The following AGAP1 variants were observed in gnomAD, a reference collection of about 807,000 sequenced individuals.
The protein encoded by AGAP1 is arf-GAP with GTPase, ANK repeat and PH domain-containing protein 1.
In AGAP1, 29 loss-of-function variants were observed where a neutral mutation model predicts 105.3. That is an observed-to-expected ratio of 0.28 (90% confidence interval 0.21 to 0.38). The LOEUF (loss-of-function observed/expected upper bound fraction) is 0.38, where lower values mean the gene tolerates loss of function less well. Among genes scored for constraint, AGAP1 ranks in the 10% least tolerant of loss-of-function variants. The pLI, the probability that AGAP1 is intolerant of heterozygous loss-of-function variation, is 1.00. For synonymous variants in AGAP1, 509 were observed against 485.9 expected (o/e 1.05, Z -0.63); for missense variants, 998 against 1,165.1 (o/e 0.86, Z 2.09).
At chr2:236,066,629 C>T (rs1010268746) in intron 16 of AGAP1, among the ~76,000 whole-genome samples, 8 of 152,154 alleles carry the variant, frequency 5.3e-5, no homozygotes, top group African/African-American at 1.9e-4. Context: ...GTTGGATTAT[C>T]CAGAGCAAGT....
At chr2:235,849,638 G>A (rs1006923771) in intron 9 of AGAP1, among the ~76,000 whole-genome samples, 2 of 124,458 alleles carry the variant, frequency 1.6e-5, no homozygotes, top group African/African-American at 5.0e-5. Context: ...TCCATGCTGC[G>A]GGGATGCTAG....
chr2:235,597,147 A>G (rs954110852), intron 1 of AGAP1, among the ~76,000 whole-genome samples: 5 of 152,224 alleles, frequency 3.3e-5, no homozygotes, highest in African/African-American at 9.6e-5. Context: ...GAGTTCTTCT[A>G]TGTGGAAAGA....
At position 235,535,172 on chromosome 2, in the gene AGAP1, CG is replaced by C. The variant is rs1943169532; in HGVS notation, c.163+40326del. ...GCAGCCCAGGTCAGCCTCCCTCCAC[CG>C]GGCCACCCGCACCAGGTTGCCTCCC... On this transcript the variant is annotated intron_variant, in intron 1 of 17. Transcript: ENST00000304032. The surrounding 1 kb of genome is among the most constrained non-coding windows in gnomAD (Gnocchi z 5.1). Among the ~76,000 whole-genome samples, 2 of 152,020 alleles carry C rather than the reference CG, an allele frequency of 1.3e-5. No individual in the cohort carries two copies. Among genetic ancestry groups the C allele is most frequent in the African/African-American group, 4.8e-5 (2 of 41,390 alleles).
rs147373386 is a variant in AGAP1 at position 236,027,055 on chromosome 2, G to A, written c.1646-9506G>A. On this transcript the variant is annotated intron_variant, in intron 13 of 17. Coordinates refer to ENST00000304032, the MANE Select transcript of AGAP1 (RefSeq NM_001037131.3). The surrounding 1 kb of genome is among the most constrained non-coding windows in gnomAD (Gnocchi z 4.4). ...GGAGCCCAGTGGTATTATTTTCTATGTTTATTACTCCATGCAGTAGATTTG... is the reference window on the plus strand; with the variant it reads ...GGAGCCCAGTGGTATTATTTTCTATATTTATTACTCCATGCAGTAGATTTG... Among the ~76,000 whole-genome samples the A allele has an allele frequency of 5.8e-3, 886 of 152,288 alleles. 5 individuals are homozygous for A. The highest frequency in any genetic ancestry group is 0.02 in the African/African-American group (835 of 41,564).
intron 6 of AGAP1, among the ~76,000 whole-genome samples, chr2:235,796,548 C>G (rs535718641): frequency 6.6e-6 from 1 of 152,264 alleles, no homozygotes; most frequent in African/African-American, 2.4e-5. Context: ...CTGCTTCTTC[C>G]TCTCTGTGAG....
intron 1 of AGAP1, among the ~76,000 whole-genome samples, chr2:235,545,071 G>C (rs1421133847): frequency 6.6e-6 from 1 of 152,154 alleles, no homozygotes; most frequent in African/African-American, 2.4e-5. Flanking sequence ...CCCTTACCCT[G>C]GTTCTTGCTA....
At chr2:235,869,501 T>C (rs2049337507) in intron 9 of AGAP1, among the ~76,000 whole-genome samples, 1 of 148,192 alleles carries the variant, frequency 6.7e-6, no homozygotes. Flanking sequence ...CTCAGGAGGC[T>C]GAGGCAGGAG....
chr2:235,520,228 T>G (rs1261858192), intron 1 of AGAP1, among the ~76,000 whole-genome samples: 1 of 152,246 alleles, frequency 6.6e-6, no homozygotes, highest in Non-Finnish European at 1.5e-5. Flanking sequence ...TATGGTCAAA[T>G]ATCCAGTCTG....
Position 235,719,174 on chromosome 2 carries a change from C to T in AGAP1, c.310+1530C>T, listed in dbSNP as rs1951258851. Among the ~76,000 whole-genome samples, 1 of 152,166 alleles carries T rather than the reference C, an allele frequency of 6.6e-6. No individual in the cohort carries two copies. Among genetic ancestry groups the T allele is most frequent in the East Asian group, 1.9e-4 (1 of 5,198 alleles). ...TGGGACCACAGGAAGTTACATGAGT[C>T]GGGCCTGGTTTTGTTGCTGTTGCTC... On this transcript the variant is annotated intron_variant, in intron 3 of 17. Transcript: ENST00000304032. This position sits in a 1 kb window ranked among gnomAD's most constrained non-coding sequence, Gnocchi z 4.9.
chr2:235,926,848 C>G (rs1009123195), intron 11 of AGAP1, among the ~76,000 whole-genome samples: 1 of 152,194 alleles, frequency 6.6e-6, no homozygotes, highest in African/African-American at 2.4e-5. Flanking sequence ...ATCCTTCAGA[C>G]AGATCCAGAG....
intron 13 of AGAP1, among the ~76,000 whole-genome samples, chr2:236,022,581 C>G (rs936154980): frequency 1.3e-5 from 2 of 152,210 alleles, no homozygotes; most frequent in African/African-American, 4.8e-5. Flanking sequence ...GTTGCCCAGG[C>G]TGGAGTGCAG....
rs1948039027 is a variant in AGAP1 at position 235,663,769 on chromosome 2, C to T, written c.164-45410C>T. On this transcript the variant is annotated intron_variant, in intron 1 of 17. Transcript: ENST00000304032. The surrounding 1 kb of genome is among the most constrained non-coding windows in gnomAD (Gnocchi z 5.4). The stretch of plus-strand genomic sequence containing the variant: ...AGCTCTTAGGAGAATCCAAATCCGA[C>T]TTCCCTGTGCTTTGAGAAGGAATGT... Among the ~76,000 whole-genome samples, 1 of 152,148 alleles carries T rather than the reference C, an allele frequency of 6.6e-6. No individual in the cohort carries two copies. The highest frequency in any genetic ancestry group is 1.5e-5 in the Non-Finnish European group (1 of 68,040).
Position 236,051,403 on chromosome 2 carries a change from C to T in AGAP1, c.2114+2122C>T, listed in dbSNP as rs572798642. Among the ~76,000 whole-genome samples, 209 of 152,194 alleles carry T rather than the reference C, an allele frequency of 1.4e-3. 1 individual carries two copies. Among genetic ancestry groups the T allele is most frequent in the African/African-American group, 4.6e-3 (190 of 41,512 alleles). On this transcript the variant is annotated intron_variant, in intron 16 of 17. Transcript: ENST00000304032. The surrounding 1 kb of genome is among the most constrained non-coding windows in gnomAD (Gnocchi z 5.9). ...AGGGCTGCCTGAGGATGCCAGGGCT[C>T]GGGAGGGTGCATTCTGGGAGGTGTC...
chr2:235,683,483 T>C (rs1485229634), intron 1 of AGAP1, among the ~76,000 whole-genome samples: 1 of 150,192 alleles, frequency 6.7e-6, no homozygotes, highest in Non-Finnish European at 1.5e-5. Flanking sequence ...ATACATATTA[T>C]ATTTAATATT....
chr2:235,652,262 C>T (rs1947620231), intron 1 of AGAP1, among the ~76,000 whole-genome samples: 1 of 152,148 alleles, frequency 6.6e-6, no homozygotes, highest in African/African-American at 2.4e-5. Context: ...TGCAACAGGG[C>T]CCTGCTTGTC....
At chr2:235,987,529 G>A (rs2055371528) in intron 13 of AGAP1, among the ~76,000 whole-genome samples, 1 of 117,736 alleles carries the variant, frequency 8.5e-6, no homozygotes, top group African/African-American at 3.5e-5. Context: ...TTTTTTGGAG[G>A]GTTTTCCTGT....
At position 235,744,899 on chromosome 2, in the gene AGAP1, T is replaced by C; in HGVS notation, c.538+60T>C. On this transcript the variant is annotated intron_variant, in intron 5 of 17. Coordinates refer to ENST00000304032, the MANE Select transcript of AGAP1 (RefSeq NM_001037131.3). This position sits in a 1 kb window ranked among gnomAD's most constrained non-coding sequence, Gnocchi z 5.2. Reference sequence around the variant, plus strand: ...GGTTCTAACAGTTACATATTTTCAGTATGGAGGAGTTTAAAAAATGCTTTA... The same window carrying C: ...GGTTCTAACAGTTACATATTTTCAGCATGGAGGAGTTTAAAAAATGCTTTA... 6.4e-7 allele frequency: 1 copy of C among 1,559,306 alleles called. No homozygotes were observed.
chr2:235,636,115 G>GTAAATAAATAAATAAATAAAAAAA (rs1946991132), intron 1 of AGAP1, among the ~76,000 whole-genome samples: 4 of 143,984 alleles, frequency 2.8e-5, no homozygotes, highest in Admixed American at 1.4e-4. Flanking sequence ...CTCTGTCTCA[G>GTAAATAAATAAATAAATAAAAAAA]TAAATAAATA....
chr2:235,590,404 A>G (rs534429434), intron 1 of AGAP1, among the ~76,000 whole-genome samples: 11 of 151,978 alleles, frequency 7.2e-5, no homozygotes, highest in African/African-American at 2.7e-4. Context: ...CGGTGTCTGC[A>G]CCTCCTAGGG....
Sources: gnomAD v4.1 joint callset for allele counts (sites outside exome capture counted in the v4.1 genomes callset) on GRCh38, gnomAD v4.1.1 for gene constraint, Gnocchi (gnomAD v3.1) non-coding constraint, MANE v1.5 for transcripts, NCBI Gene and HGNC (gene_info 2026-07-23, HGNC 2026-07-21) for gene names.